The following KCTD1 variants were observed in gnomAD, a reference collection of about 807,000 sequenced individuals.
KCTD1 encodes potassium channel tetramerization domain containing 1, also known as BTB/POZ domain-containing protein KCTD1.
Under a neutral mutation model 66.0 loss-of-function variants are expected in KCTD1, and 24 were observed. The ratio of observed to expected loss-of-function variants is 0.36; its 90% CI spans 0.26 to 0.51. KCTD1 has a LOEUF of 0.51. Ranked by LOEUF, KCTD1 falls within the 20% of genes least tolerant of loss-of-function variation. The probability of loss-of-function intolerance (pLI) is 0.95; values close to 1 mark genes in which losing one functional copy is unlikely to be tolerated. For synonymous variants in KCTD1, 511 were observed against 517.2 expected (o/e 0.99, Z 0.16); for missense variants, 943 against 1,205.2 (o/e 0.78, Z 3.22).
upstream of KCTD1, among the ~76,000 whole-genome samples, chr18:26,643,747 G>A (rs1211302042): frequency 1.3e-5 from 2 of 152,154 alleles, no homozygotes; most frequent in Admixed American, 6.5e-5. Context: ...CATATCACGA[G>A]GTCAGGAGAT....
At chr18:26,475,095 T>C (rs1256265691) in intron 3 of KCTD1, among the ~76,000 whole-genome samples, 1 of 152,216 alleles carries the variant, frequency 6.6e-6, no homozygotes, top group African/African-American at 2.4e-5. Flanking sequence ...TTCTTCTCCA[T>C]TGATTTGTAT....
At chr18:26,513,212 C>T (rs548512845) in intron 1 of KCTD1, among the ~76,000 whole-genome samples, 147 of 151,448 alleles carry the variant, frequency 9.7e-4, no homozygotes, top group Non-Finnish European at 1.6e-3. Context: ...CTCAGCCTCC[C>T]GAGTAGCTGG....
At chr18:26,505,494 A>G (rs764669761) in intron 1 of KCTD1, among the ~76,000 whole-genome samples, 4 of 152,248 alleles carry the variant, frequency 2.6e-5, no homozygotes, top group Non-Finnish European at 4.4e-5. Context: ...TTGTCTTAAC[A>G]TGAAGCTACT....
chr18:26,546,972 A>G lies in KCTD1; in HGVS notation c.1565T>C (p.Val522Ala). The G allele has an allele frequency of 6.8e-7, 1 of 1,471,384 alleles. No individual in the cohort carries two copies. The highest frequency in any genetic ancestry group is 9.0e-7 in the Non-Finnish European group (1 of 1,107,370). The allele number at this position is 1,471,384 out of a possible 1,614,324, so 91.1% of individuals were successfully genotyped here. A position where few individuals can be genotyped will look rare whatever the true frequency, so the allele number is the denominator to read the frequency against. Residue 522 changes from valine to alanine, a missense_variant, in exon 1 of 5, where the codon GTC becomes GCC. Physicochemically the swap from Val to Ala is moderately conservative, Grantham distance 64. This residue lies in a region of KCTD1 where 197 missense variants were observed against 182.7 expected (regional missense o/e 1.08). Coordinates refer to ENST00000580059, the MANE Select transcript of KCTD1 (RefSeq NM_001142730.3). ...NTYILPKDSQ[V>A]GPDVKSEAAP... ...AGCCTCGGATTTCACGTCGGGCCCG[A>G]CCTGGCTGTCTTTGGGGAGGATGTA...
intron 1 of KCTD1, among the ~76,000 whole-genome samples, chr18:26,540,869 C>A (rs1172127034): frequency 2.6e-5 from 4 of 152,154 alleles, no homozygotes; most frequent in African/African-American, 9.7e-5. Context: ...GTTTTGACTG[C>A]AGGGGGTTGG....
intron 1 of KCTD1, among the ~76,000 whole-genome samples, chr18:26,564,825 G>T (rs1467892476): frequency 6.6e-6 from 1 of 151,616 alleles, no homozygotes; most frequent in Non-Finnish European, 1.5e-5. Context: ...GGAGGCAGAG[G>T]TTTTAGTGAG....
chr18:26,594,968 C>G (rs555587137), intron 1 of KCTD1, among the ~76,000 whole-genome samples: 7 of 152,146 alleles, frequency 4.6e-5, no homozygotes, highest in African/African-American at 1.7e-4. Context: ...AAATATCTCT[C>G]TCTCCATTTT....
intron 1 of KCTD1, among the ~76,000 whole-genome samples, chr18:26,647,333 C>CA (rs377131454): frequency 8.9e-6 from 1 of 112,256 alleles, no homozygotes; most frequent in Admixed American, 8.8e-5. Context: ...ATAGTGAAAC[C>CA]CCCCCCCCAT....
chr18:26,601,080 G>A (rs1458073158), intron 1 of KCTD1, among the ~76,000 whole-genome samples: 1 of 152,044 alleles, frequency 6.6e-6, no homozygotes, highest in Non-Finnish European at 1.5e-5. Flanking sequence ...ACACACAAAT[G>A]GGGCTAGTCC....
At chr18:26,609,811 T>C (rs147505516) in intron 1 of KCTD1, among the ~76,000 whole-genome samples, 497 of 152,336 alleles carry the variant, frequency 3.3e-3, no homozygotes, top group African/African-American at 0.012. Flanking sequence ...TCATTTGGGA[T>C]AATTCATTTA....
chr18:26,521,562 A>G (rs1441075531), intron 1 of KCTD1, among the ~76,000 whole-genome samples: 1 of 152,228 alleles, frequency 6.6e-6, no homozygotes, highest in Non-Finnish European at 1.5e-5. Context: ...GTAAGAAAAC[A>G]ATAAATTTTT....
At chr18:26,513,423 A>G (rs1000555148) in intron 1 of KCTD1, among the ~76,000 whole-genome samples, 2 of 152,074 alleles carry the variant, frequency 1.3e-5, no homozygotes, top group Non-Finnish European at 2.9e-5. Flanking sequence ...ACATACCTAT[A>G]TTTAGTAATT....
At chr18:26,572,838 A>G (rs1986139966) in intron 1 of KCTD1, among the ~76,000 whole-genome samples, 1 of 152,202 alleles carries the variant, frequency 6.6e-6, no homozygotes, top group African/African-American at 2.4e-5. Context: ...AGGTCAAACT[A>G]GTGTAGGAGT....
At chr18:26,613,980 T>C (rs950606148) in intron 1 of KCTD1, among the ~76,000 whole-genome samples, 1 of 152,200 alleles carries the variant, frequency 6.6e-6, no homozygotes, top group Non-Finnish European at 1.5e-5. Flanking sequence ...TAACAGAGCG[T>C]TGCAGCCCCA....
upstream of KCTD1, among the ~76,000 whole-genome samples, chr18:26,631,962 A>G (rs1200287336): frequency 6.6e-6 from 1 of 152,100 alleles, no homozygotes; most frequent in Non-Finnish European, 1.5e-5. Context: ...AGGCAGGAGA[A>G]TGGTGTGAAC....
chr18:26,517,711 C>G (rs544357308), intron 1 of KCTD1, among the ~76,000 whole-genome samples: 9 of 151,414 alleles, frequency 5.9e-5, no homozygotes, highest in Non-Finnish European at 1.2e-4. Flanking sequence ...AAGCTATCCT[C>G]TCTTGTCTGC....
intron 1 of KCTD1, among the ~76,000 whole-genome samples, chr18:26,609,051 C>T (rs922321457): frequency 3.9e-5 from 6 of 152,128 alleles, no homozygotes; most frequent in African/African-American, 9.6e-5. Flanking sequence ...CTGCAGAGGA[C>T]GATGTCAAAA....
upstream of KCTD1, among the ~76,000 whole-genome samples, chr18:26,630,084 T>C (rs1328535936): frequency 6.6e-6 from 1 of 152,166 alleles, no homozygotes; most frequent in African/African-American, 2.4e-5. Flanking sequence ...TTCATAATAA[T>C]ACTAAGGTGT....
At chr18:26,542,278 A>T (rs1985007329) in intron 1 of KCTD1, among the ~76,000 whole-genome samples, 1 of 152,162 alleles carries the variant, frequency 6.6e-6, no homozygotes, top group African/African-American at 2.4e-5. Context: ...TTTTGAACCA[A>T]TTAATTCATA....
Sources: gnomAD v4.1 joint callset for allele counts (sites outside exome capture counted in the v4.1 genomes callset) on GRCh38, gnomAD v4.1.1 for gene constraint, gnomAD v4.1.1 regional missense constraint, MANE v1.5 for transcripts, NCBI Gene and HGNC (gene_info 2026-07-23, HGNC 2026-07-21) for gene names.